FRS2: variants seen among roughly 807,000 people sequenced by gnomAD.
FRS2 encodes the protein FGFR signalling adaptor.
FRS2 carries 8 observed loss-of-function variants against 43.9 expected under a neutral mutation model. That is an observed-to-expected ratio of 0.18 (90% CI 0.11 to 0.33). FRS2 has a LOEUF of 0.33. Ranked by LOEUF, FRS2 falls within the 10% of genes least tolerant of loss-of-function variation. The probability of loss-of-function intolerance (pLI) is 1.00; values close to 1 mark genes in which losing one functional copy is unlikely to be tolerated. For missense variants in FRS2, 534 were observed against 627.6 expected (o/e 0.85, Z 1.59); for synonymous variants, 219 against 220.3 (o/e 0.99, Z 0.05).
chr12:69,567,359 T>C (rs1220723852), intron 4 of FRS2, among the ~76,000 whole-genome samples: 2 of 152,214 alleles, frequency 1.3e-5, no homozygotes, highest in Non-Finnish European at 2.9e-5. Context: ...GCTAGTACAC[T>C]TTTTCATTTT....
intron 1 of FRS2, among the ~76,000 whole-genome samples, chr12:69,504,570 G>C (rs1025255513): frequency 5.9e-5 from 9 of 151,496 alleles, no homozygotes; most frequent in African/African-American, 1.9e-4. Flanking sequence ...CATTATAGAG[G>C]GAAAATAACA....
At chr12:69,541,695 T>G (rs1877916752) in intron 3 of FRS2, among the ~76,000 whole-genome samples, 1 of 151,782 alleles carries the variant, frequency 6.6e-6, no homozygotes, top group African/African-American at 2.4e-5. Flanking sequence ...TGCGGTGGCA[T>G]ATGTCTGTAG....
chr12:69,553,017 A>T (rs536942268), intron 3 of FRS2, among the ~76,000 whole-genome samples: 207 of 152,314 alleles, frequency 1.4e-3, no homozygotes, highest in African/African-American at 4.8e-3. Flanking sequence ...ATTATTTTTT[A>T]AAAATAACAC....
intron 1 of FRS2, among the ~76,000 whole-genome samples, chr12:69,528,323 G>A (rs533505186): frequency 6.6e-6 from 1 of 152,224 alleles, no homozygotes; most frequent in Admixed American, 6.5e-5. Context: ...GTTTCCTGGT[G>A]GTCTTGATAT....
In FRS2 at chr12:69,530,916, A is replaced by G. The variant is rs1876722823; in HGVS notation, c.-209A>G. The G allele has an allele frequency of 6.6e-6, 1 of 152,412 alleles. No homozygotes were observed. Among genetic ancestry groups the G allele is most frequent in the South Asian group, 2.1e-4 (1 of 4,828 alleles). The allele number at this position is 152,412 out of a possible 1,614,324, so 9.4% of individuals were successfully genotyped here. A position where few individuals can be genotyped will look rare whatever the true frequency, so the allele number is the denominator to read the frequency against. On this transcript the variant is annotated 5_prime_UTR_variant, in exon 2 of 9. Coordinates refer to ENST00000549921, the MANE Select transcript of FRS2 (RefSeq NM_001278356.2). ...AGATGCAAAAGTGATGAAACAGTCC[A>G]TTTGTCATAAAGTAAGATGCAGCTG...
At chr12:69,573,269 C>G (rs1880916592) in intron 8 of FRS2, among the ~76,000 whole-genome samples, 1 of 152,092 alleles carries the variant, frequency 6.6e-6, no homozygotes, top group Non-Finnish European at 1.5e-5. Context: ...AGTTAATCTT[C>G]TTATACATTC....
In FRS2 at chr12:69,569,044, G is replaced by T. The variant is rs770627638; in HGVS notation, c.14G>T (p.Cys5Phe). 5.0e-6 allele frequency: 8 copies of T among 1,611,574 alleles called. No homozygotes were observed. Among genetic ancestry groups the T allele is most frequent in the South Asian group, 1.1e-5 (1 of 90,782 alleles). Residue 5 changes from cysteine (C) to phenylalanine (F), a missense_variant, in exon 5 of 9, where the codon TGT becomes TTT. Around this residue, in one of 3 missense-constraint regions of FRS2, gnomAD observed 76 missense variants for 90.5 expected, o/e 0.84. Coordinates refer to ENST00000549921, the MANE Select transcript of FRS2 (RefSeq NM_001278356.2). MGSCCSCPDKDTVPD... is the reference protein window; with the variant it reads MGSCFSCPDKDTVPD... Reference sequence around the variant, plus strand: ...TCTGAAGAAGCCATGGGTAGCTGTTGTAGCTGTCCAGATAAAGACACTGTC... The same window carrying T: ...TCTGAAGAAGCCATGGGTAGCTGTTTTAGCTGTCCAGATAAAGACACTGTC...
chr12:69,551,785 A>G (rs865991753), intron 3 of FRS2, among the ~76,000 whole-genome samples: 4 of 152,098 alleles, frequency 2.6e-5, no homozygotes, highest in African/African-American at 7.3e-5. Context: ...ACTATCTTCA[A>G]CATCTGGGAA....
intron 3 of FRS2, among the ~76,000 whole-genome samples, chr12:69,547,510 A>C (rs920101417): frequency 1.3e-5 from 2 of 152,180 alleles, no homozygotes; most frequent in Admixed American, 1.3e-4. Flanking sequence ...TTAAGATGGT[A>C]AATTTTATGT....
At position 69,576,812 on chromosome 12, in the gene FRS2, T is replaced by A. The variant is rs916842863; in HGVS notation, c.*1857T>A. Reference sequence around the variant, plus strand: ...TTTTCTTTTCTCCCTTTTGTTCCCCTGTGAACTTGGTGCTTATTAAAGTGC... The same window carrying A: ...TTTTCTTTTCTCCCTTTTGTTCCCCAGTGAACTTGGTGCTTATTAAAGTGC... On this transcript the variant is annotated 3_prime_UTR_variant, in exon 9 of 9. Transcript: ENST00000549921. 6.6e-6 allele frequency: 1 copy of A among 152,642 alleles called. No individual in the cohort carries two copies. The highest frequency in any genetic ancestry group is 1.5e-5 in the Non-Finnish European group (1 of 68,044). 9.5% of individuals were successfully genotyped at this position (152,642 alleles called of 1,614,324 possible). A position where few individuals can be genotyped will look rare whatever the true frequency, so the allele number is the denominator to read the frequency against.
intron 1 of FRS2, among the ~76,000 whole-genome samples, chr12:69,492,714 A>G (rs1872583348): frequency 6.6e-6 from 1 of 152,184 alleles, no homozygotes; most frequent in Admixed American, 6.5e-5. Flanking sequence ...GTGAAAACAT[A>G]CACAAAAGCT....
At chr12:69,559,023 A>G (rs1229245390) in intron 3 of FRS2, among the ~76,000 whole-genome samples, 2 of 152,202 alleles carry the variant, frequency 1.3e-5, no homozygotes, top group Non-Finnish European at 2.9e-5. Flanking sequence ...AAGAAATGCC[A>G]CTTTAGGCTG....
chr12:69,531,712 T>C (rs1046695034), intron 2 of FRS2, among the ~76,000 whole-genome samples: 11 of 151,540 alleles, frequency 7.3e-5, no homozygotes, highest in African/African-American at 2.4e-4. Context: ...AGAAAGAGTA[T>C]AAAATCTATT....
intron 4 of FRS2, among the ~76,000 whole-genome samples, chr12:69,567,054 T>C (rs552882033): frequency 6.6e-6 from 1 of 152,340 alleles, no homozygotes; most frequent in South Asian, 2.1e-4. Context: ...GCTCAATTAG[T>C]GCTTCCTGTC....
chr12:69,553,163 C>T (rs1392832540), intron 3 of FRS2, among the ~76,000 whole-genome samples: 2 of 152,106 alleles, frequency 1.3e-5, no homozygotes, highest in African/African-American at 4.8e-5. Flanking sequence ...CCTCCGCCTC[C>T]CAGGTACACA....
At chr12:69,514,690 A>G (rs1874809118) in intron 1 of FRS2, among the ~76,000 whole-genome samples, 1 of 152,060 alleles carries the variant, frequency 6.6e-6, no homozygotes, top group African/African-American at 2.4e-5. Flanking sequence ...ACACTTAGCC[A>G]AGCGTGTTGG....
chr12:69,570,317 CCTT>C lies in FRS2; in HGVS notation c.67-10_67-8del. 1.2e-6 allele frequency: 2 copies of C among 1,600,252 alleles called. No individual in the cohort carries two copies. Among genetic ancestry groups the C allele is most frequent in the Non-Finnish European group, 1.7e-6 (2 of 1,167,678 alleles). On this transcript the variant is annotated splice_polypyrimidine_tract_variant and intron_variant, in intron 5 of 8. Coordinates refer to ENST00000549921, the MANE Select transcript of FRS2 (RefSeq NM_001278356.2). The stretch of plus-strand genomic sequence containing the variant: ...TGGTGACATATTTGCATGACTGTCA[CCTT>C]CTTTTTTTAGGTCATTAATGTGGAT...
chr12:69,513,545 G>T (rs1565737653), intron 1 of FRS2, among the ~76,000 whole-genome samples: 1 of 152,138 alleles, frequency 6.6e-6, no homozygotes, highest in Non-Finnish European at 1.5e-5. Flanking sequence ...GAGAAATCTG[G>T]CAGAGGAGGA....
At chr12:69,551,029 C>T (rs797021631) in intron 3 of FRS2, among the ~76,000 whole-genome samples, 4 of 152,104 alleles carry the variant, frequency 2.6e-5, no homozygotes, top group African/African-American at 9.6e-5. Flanking sequence ...GATTTGTTCT[C>T]TTCACATGTG....
Sources: gnomAD v4.1 joint callset for allele counts (sites outside exome capture counted in the v4.1 genomes callset) on GRCh38, gnomAD v4.1.1 for gene constraint, gnomAD v4.1.1 regional missense constraint, MANE v1.5 for transcripts, NCBI Gene and HGNC (gene_info 2026-07-23, HGNC 2026-07-21) for gene names.